The following TAGAP variants were observed in gnomAD, a reference collection of about 807,000 sequenced individuals.
TAGAP encodes the protein T cell activation RhoGTPase activating protein, also known as T-cell activation Rho GTPase-activating protein.
A neutral mutation model predicts 36.0 loss-of-function variants in TAGAP; 16 were observed. The ratio of observed to expected loss-of-function variants is 0.44; its 90% CI spans 0.30 to 0.68. The LOEUF (loss-of-function observed/expected upper bound fraction) is 0.68, where lower values mean the gene tolerates loss of function less well. Ranked by LOEUF, TAGAP falls within the 30% of genes least tolerant of loss-of-function variation. TAGAP has a pLI of 0.09. For missense variants in TAGAP, 794 were observed against 921.5 expected (o/e 0.86, Z 1.79); for synonymous variants, 372 against 377.4 (o/e 0.99, Z 0.17).
chr6:159,035,632 T>G lies in TAGAP; in HGVS notation c.*195A>C. ...ATAATACATTTGATACATTTTTACATATTGCACAAATCCAGGTACACAGAG... is the reference window on the plus strand; with the variant it reads ...ATAATACATTTGATACATTTTTACAGATTGCACAAATCCAGGTACACAGAG... On this transcript the variant is annotated 3_prime_UTR_variant, in exon 10 of 10. Coordinates refer to ENST00000367066, the MANE Select transcript of TAGAP (RefSeq NM_054114.5). 1 of 553,772 alleles carries G rather than the reference T, an allele frequency of 1.8e-6. No individual in the cohort carries two copies. The highest frequency in any genetic ancestry group is 3.2e-6 in the Non-Finnish European group (1 of 314,354). 34.3% of individuals were successfully genotyped at this position (553,772 alleles called of 1,614,324 possible).
At position 159,042,237 on chromosome 6, in the gene TAGAP, C is replaced by T. The variant is rs762677021; in HGVS notation, c.156G>A (p.Lys52=). Residue 52 remains lysine (K), a synonymous_variant, in exon 5 of 10, where the codon AAG becomes AAA. Coordinates refer to ENST00000367066, the MANE Select transcript of TAGAP (RefSeq NM_054114.5). The part of the protein sequence containing the change: ...EDSICQLIEV[K]KRKKVLSWPF... ...GCCAGGACAGCACCTTCTTTCTCTT[C>T]TTAACTTCTACAGCCAAGAAAACAA... 6.2e-7 allele frequency: 1 copy of T among 1,610,196 alleles called. No individual in the cohort carries two copies. The highest frequency in any genetic ancestry group is 1.7e-5 in the Admixed American group (1 of 58,876).
At position 159,041,089 on chromosome 6, in the gene TAGAP, C is replaced by T. The variant is rs1056619640; in HGVS notation, c.478-257G>A. The T allele has an allele frequency of 2.6e-5, 15 of 584,636 alleles. No individual in the cohort carries two copies. The highest frequency in any genetic ancestry group is 9.5e-5 in the Admixed American group (3 of 31,600). The allele number at this position is 584,636 out of a possible 1,614,324, so 36.2% of individuals were successfully genotyped here. A position where few individuals can be genotyped will look rare whatever the true frequency, so the allele number is the denominator to read the frequency against. ...GTTCTGAGGGGCCACTGGATTTTGA[C>T]GTATGGATTCTGCCACGGAACAATC... On this transcript the variant is annotated intron_variant, in intron 6 of 9. Coordinates refer to ENST00000367066, the MANE Select transcript of TAGAP (RefSeq NM_054114.5). The surrounding 1 kb of genome is among the most constrained non-coding windows in gnomAD (Gnocchi z 4.1).
At position 159,037,412 on chromosome 6, in the gene TAGAP, C is replaced by T. The variant is rs1163965077; in HGVS notation, c.899-288G>A. 2.0e-5 allele frequency among the ~76,000 whole-genome samples: 3 copies of T among 152,136 alleles called. No homozygotes were observed. Among genetic ancestry groups the T allele is most frequent in the African/African-American group, 7.2e-5 (3 of 41,416 alleles). ...CCATGTTGGCTAGGCTGTTTTTGAA[C>T]TCCTGATCTCAGGTAATCTGCCTGC... On this transcript the variant is annotated intron_variant, in intron 9 of 9. Coordinates refer to ENST00000367066, the MANE Select transcript of TAGAP (RefSeq NM_054114.5). The surrounding 1 kb of genome is among the most constrained non-coding windows in gnomAD (Gnocchi z 5.1).
At position 159,037,661 on chromosome 6, in the gene TAGAP, A is replaced by G. The variant is rs980923704; in HGVS notation, c.898+453T>C. On this transcript the variant is annotated intron_variant, in intron 9 of 9. Coordinates refer to ENST00000367066, the MANE Select transcript of TAGAP (RefSeq NM_054114.5). This position sits in a 1 kb window ranked among gnomAD's most constrained non-coding sequence, Gnocchi z 5.1. ...TTTGAGATCAGAAGAAAAATAGGGA[A>G]AGGAAATGAGTAAAGGAGGGAGGAA... Among the ~76,000 whole-genome samples the G allele has an allele frequency of 3.0e-4, 45 of 152,224 alleles. No homozygotes were observed. Among genetic ancestry groups the G allele is most frequent in the African/African-American group, 1.1e-3 (45 of 41,458 alleles).
rs771786812 is a variant in TAGAP, at chr6:159,040,873, T to G, written c.478-41A>C. On this transcript the variant is annotated intron_variant, in intron 6 of 9. Coordinates refer to ENST00000367066, the MANE Select transcript of TAGAP (RefSeq NM_054114.5). The stretch of plus-strand genomic sequence containing the variant: ...GGGCTGTTGGCCTATTGGTACTGTA[T>G]GATGTCCCATGTCCTTGTTTTCACC... 6.1e-6 allele frequency: 9 copies of G among 1,469,672 alleles called. No homozygotes were observed. In the African/African-American group the frequency reaches 1.2e-4, roughly 20 times the overall value. 91.0% of individuals were successfully genotyped at this position (1,469,672 alleles called of 1,614,324 possible).
chr6:159,037,732 A>G lies in TAGAP; in HGVS notation c.898+382T>C, dbSNP rs149756349. Among the ~76,000 whole-genome samples, 62 of 152,372 alleles carry G rather than the reference A, an allele frequency of 4.1e-4. No homozygotes were observed. The highest frequency in any genetic ancestry group is 1.2e-3 in the Admixed American group (18 of 15,310). ...ATAAGAAAAGAGAGAACAGCATTTC[A>G]CTGAAAATGTATTGACCTTAATTTT... is the stretch of plus-strand genomic sequence containing the variant. On this transcript the variant is annotated intron_variant, in intron 9 of 9. Coordinates refer to ENST00000367066, the MANE Select transcript of TAGAP (RefSeq NM_054114.5). This position sits in a 1 kb window ranked among gnomAD's most constrained non-coding sequence, Gnocchi z 5.1.
chr6:159,038,216 C>T lies in TAGAP; in HGVS notation c.796G>A (p.Val266Met), dbSNP rs560226623. ...KDLNNKVKTL[V>M]EFLIDNCFEI... ...AAGCAGTTATCAATGAGGAATTCCACCAGTGTCTTCACCTGTGAGGAAAAG... is the reference window on the plus strand; with the variant it reads ...AAGCAGTTATCAATGAGGAATTCCATCAGTGTCTTCACCTGTGAGGAAAAG... Residue 266 changes from valine to methionine, a missense_variant, in exon 9 of 10, where the codon GTG becomes ATG. Val to Met is a conservative substitution (Grantham distance 21, BLOSUM62 1). Coordinates refer to ENST00000367066, the MANE Select transcript of TAGAP (RefSeq NM_054114.5). 136 of 1,603,286 alleles carry T rather than the reference C, an allele frequency of 8.5e-5. 2 individuals carry two copies. In the East Asian group the frequency reaches 2.9e-3, roughly 34 times the overall value.
At chr6:159,042,499 C>T in intron 4 of TAGAP, 5 of 573,850 alleles carry the variant, frequency 8.7e-6, no homozygotes, top group Non-Finnish European at 1.4e-5. Flanking sequence ...AGGCCTCCAC[C>T]TTTCCTGTTT....
Position 159,036,487 on chromosome 6 carries a change from G to A in TAGAP, c.1536C>T (p.Thr512=). The change falls in exon 10 of 10, where the codon ACC becomes ACT. Residue 512 remains threonine (T), a synonymous_variant. Transcript: ENST00000367066. This position sits in a 1 kb window ranked among gnomAD's most constrained non-coding sequence, Gnocchi z 4.9. The part of the protein sequence containing the change: ...REIKKHSMSF[T]FAPHKKVLTK... ...TCAGCACTTTTTTGTGAGGGGCAAA[G>A]GTGAAAGACATGGAGTGCTTTTTAA... 6.2e-7 allele frequency: 1 copy of A among 1,614,182 alleles called. No individual in the cohort carries two copies. Among genetic ancestry groups the A allele is most frequent in the Non-Finnish European group, 8.5e-7 (1 of 1,180,026 alleles).
At chr6:159,038,264 ACTTTTT>A in intron 8 of TAGAP, 36 bp from the exon 9 acceptor site, 8 of 825,290 alleles carry the variant, frequency 9.7e-6, no homozygotes, top group African/African-American at 2.0e-5. Flanking sequence ...CAGCTTGAAG[ACTTTTT>A]TTTTTTTTTT....
intron 8 of TAGAP, 39 bp downstream of exon 8, chr6:159,039,075 T>C: frequency 6.2e-7 from 1 of 1,613,252 alleles, no homozygotes; most frequent in Non-Finnish European, 8.5e-7. Context: ...GATGGTGAGA[T>C]CATAAGTTGG....
At position 159,036,807 on chromosome 6, in the gene TAGAP, C is replaced by G. The variant is rs1012223670; in HGVS notation, c.1216G>C (p.Val406Leu). 6.2e-7 allele frequency: 1 copy of G among 1,614,212 alleles called. No individual in the cohort carries two copies. The highest frequency in any genetic ancestry group is 8.5e-7 in the Non-Finnish European group (1 of 1,180,034). Residue 406 changes from valine to leucine, a missense_variant, in exon 10 of 10, where the codon GTG becomes CTG. Transcript: ENST00000367066. The surrounding 1 kb of genome is among the most constrained non-coding windows in gnomAD (Gnocchi z 4.9). ...TCCAAACGAGAGCCTACCCGGGGCA[C>G]GGGGAAGTCCCCTTCACTCTTTGTT... ...TLTKSEGDFP[V>L]PRVGSRLESE... is the part of the protein sequence containing the mutation.
intron 9 of TAGAP, 28 bp downstream of exon 9, chr6:159,038,086 C>G: frequency 6.9e-7 from 1 of 1,459,212 alleles, no homozygotes. Flanking sequence ...TCCCTACAAT[C>G]GTAATCAAAT....
chr6:159,040,281 C>G (rs1278192397), intron 7 of TAGAP, among the ~76,000 whole-genome samples: 1 of 152,188 alleles, frequency 6.6e-6, no homozygotes. Context: ...AACTGCCCCC[C>G]ACCACACTGT....
In TAGAP at chr6:159,041,650, A is replaced by G. The variant is rs375129931; in HGVS notation, c.316-135T>C. The G allele has an allele frequency of 2.6e-5, 27 of 1,040,852 alleles. 1 individual carries two copies. In the African/African-American group the frequency reaches 3.1e-4, roughly 12 times the overall value. The allele number at this position is 1,040,852 out of a possible 1,614,324, so 64.5% of individuals were successfully genotyped here. ...GTCAATGGCCTTCCTCAACCCTGCT[A>G]TTTTTCTAAGAGGAGGCAAATTGTG... On this transcript the variant is annotated intron_variant, in intron 5 of 9. Coordinates refer to ENST00000367066, the MANE Select transcript of TAGAP (RefSeq NM_054114.5). This position sits in a 1 kb window ranked among gnomAD's most constrained non-coding sequence, Gnocchi z 4.1.
intron 5 of TAGAP, 60 bp downstream of exon 5, chr6:159,042,018 C>T (rs887648329): frequency 8.4e-5 from 130 of 1,538,706 alleles, no homozygotes; most frequent in South Asian, 1.3e-4. Context: ...TCAGATTTCC[C>T]GAGTATTTTG....
At position 159,037,999 on chromosome 6, in the gene TAGAP, C is replaced by A; in HGVS notation, c.898+115G>T. 1 of 696,006 alleles carries A rather than the reference C, an allele frequency of 1.4e-6. No individual in the cohort carries two copies. 43.1% of individuals were successfully genotyped at this position (696,006 alleles called of 1,614,324 possible). The stretch of plus-strand genomic sequence containing the variant: ...CCTAATGGACTGGAGTCTAGTCTGA[C>A]TCGGTGATTTGTGAAGGTAACTTCT... On this transcript the variant is annotated intron_variant, in intron 9 of 9. Transcript: ENST00000367066. This position sits in a 1 kb window ranked among gnomAD's most constrained non-coding sequence, Gnocchi z 5.1.
chr6:159,043,800 A>T, intron 3 of TAGAP, 145 bp from the exon 4 acceptor site: 1 of 1,022,192 alleles, frequency 9.8e-7, no homozygotes, highest in Non-Finnish European at 1.5e-6. Flanking sequence ...TCTAGAAGCA[A>T]TATTAAGGTC....
rs1228253504 is a variant in TAGAP, at chr6:159,037,064, T to C, written c.959A>G (p.Asn320Ser). 3.1e-6 allele frequency: 5 copies of C among 1,612,810 alleles called. No homozygotes were observed. In the Admixed American group the frequency reaches 6.7e-5, roughly 22 times the overall value. The stretch of plus-strand genomic sequence containing the variant: ...GGGAGAGCTGATGCCACTGCTGCTG[T>C]TGGATTCCACATCAGGGTCGTTGCT... The part of the protein sequence containing the change: ...YDSNDPDVES[N>S]SSSGISSPSR... Residue 320 changes from asparagine (N) to serine (S), a missense_variant, in exon 10 of 10, where the codon AAC (asparagine) becomes AGC (serine). Physicochemically the swap from Asn to Ser is conservative, Grantham distance 46 (BLOSUM62 1). Transcript: ENST00000367066. The surrounding 1 kb of genome is among the most constrained non-coding windows in gnomAD (Gnocchi z 5.1).
Sources: allele counts gnomAD v4.1 joint callset (sites outside exome capture counted in the v4.1 genomes callset), GRCh38; gene constraint gnomAD v4.1.1; non-coding constraint Gnocchi (gnomAD v3.1); transcripts MANE v1.5; gene names NCBI Gene and HGNC (gene_info 2026-07-23, HGNC 2026-07-21).